The following STXBP5 variants were observed in gnomAD, a reference collection of about 807,000 sequenced individuals.
The protein encoded by STXBP5 is syntaxin binding protein 5.
STXBP5 carries 50 observed loss-of-function variants against 152.4 expected under a neutral mutation model. That is an observed-to-expected ratio of 0.33 (90% CI 0.26 to 0.42). The LOEUF is 0.42. Among genes scored for constraint, STXBP5 ranks in the 10% least tolerant of loss-of-function variants. The pLI, the probability that STXBP5 is intolerant of heterozygous loss-of-function variation, is 1.00. For missense variants in STXBP5, 1,167 were observed against 1,388.6 expected (o/e 0.84, Z 2.54); for synonymous variants, 492 against 494.7 (o/e 0.99, Z 0.07).
chr6:147,382,283 C>T (rs965031654), intron 26 of STXBP5, among the ~76,000 whole-genome samples: 3 of 151,894 alleles, frequency 2.0e-5, no homozygotes, highest in South Asian at 2.1e-4. Flanking sequence ...TTTTGGAGAC[C>T]GAAATAGACT....
chr6:147,277,059 A>G (rs1267671533), intron 7 of STXBP5, among the ~76,000 whole-genome samples: 2 of 152,112 alleles, frequency 1.3e-5, no homozygotes, highest in Non-Finnish European at 2.9e-5. Context: ...GTATGACTTC[A>G]TCGTAAATTG....
Position 147,387,398 on chromosome 6 carries a change from A to G in STXBP5, c.*2643A>G, listed in dbSNP as rs1167651256. On this transcript the variant is annotated 3_prime_UTR_variant, in exon 28 of 28. Coordinates refer to ENST00000321680, the MANE Select transcript of STXBP5 (RefSeq NM_001127715.4). ...TCCATATCCTCATTGTTTTTGTTGC[A>G]TTTGTCCTTGACTCTAAAATCACTG... 2 of 151,634 alleles carry G rather than the reference A, an allele frequency of 1.3e-5. No individual in the cohort carries two copies. Among genetic ancestry groups the G allele is most frequent in the African/African-American group, 4.8e-5 (2 of 41,368 alleles). The allele number at this position is 151,634 out of a possible 1,614,324, so 9.4% of individuals were successfully genotyped here.
chr6:147,209,689 GAATT>G (rs780423239), intron 2 of STXBP5, among the ~76,000 whole-genome samples: 4 of 152,078 alleles, frequency 2.6e-5, no homozygotes, highest in African/African-American at 7.2e-5. Flanking sequence ...TGAAATTTGA[GAATT>G]ATTTGGGGCT....
intron 6 of STXBP5, among the ~76,000 whole-genome samples, chr6:147,264,239 A>G (rs746315787): frequency 1.7e-4 from 26 of 152,056 alleles, no homozygotes; most frequent in Admixed American, 5.9e-4. Context: ...TGCTAACCTT[A>G]CCGGTGGATA....
intron 4 of STXBP5, among the ~76,000 whole-genome samples, chr6:147,239,668 C>T (rs2115204115): frequency 6.6e-6 from 1 of 152,252 alleles, no homozygotes; most frequent in East Asian, 1.9e-4. Flanking sequence ...ACATAATATT[C>T]TGTTCTATAT....
chr6:147,278,321 GT>G, intron 8 of STXBP5, 117 bp downstream of exon 8: 1 of 1,015,898 alleles, frequency 9.8e-7, no homozygotes, highest in Non-Finnish European at 1.3e-6. Context: ...GTTTCCTTCT[GT>G]TTTTAGGGAA....
rs1245237951 is a variant in STXBP5 at position 147,204,506 on chromosome 6, G to T, written c.-27G>T. On this transcript the variant is annotated 5_prime_UTR_variant, in exon 1 of 28. Coordinates refer to ENST00000321680, the MANE Select transcript of STXBP5 (RefSeq NM_001127715.4). The surrounding 1 kb of genome is among the most constrained non-coding windows in gnomAD (Gnocchi z 4.3). ...GGGGACCCCCTGTGCCTCCCCTCCC[G>T]GGCTGCGGGGGAGCCCCTCCGAGAC... The T allele has an allele frequency of 1.2e-6, 2 of 1,607,988 alleles. No homozygotes were observed. The highest frequency in any genetic ancestry group is 2.2e-5 in the South Asian group (2 of 90,702).
rs981426036 is a variant in STXBP5 at position 147,315,253 on chromosome 6, AT to A, written c.1403-260del. On this transcript the variant is annotated intron_variant, in intron 14 of 27. Coordinates refer to ENST00000321680, the MANE Select transcript of STXBP5 (RefSeq NM_001127715.4). ...CACATTATTTTTCCAAAATGTTTTT[AT>A]TACTCATTTTTTTAAGATTACCTAA... Among the ~76,000 whole-genome samples, 5 of 152,124 alleles carry A rather than the reference AT, an allele frequency of 3.3e-5. No homozygotes were observed. The East Asian group carries it at 7.7e-4, about 24-fold the overall frequency.
At chr6:147,301,027 T>C (rs948855116) in intron 9 of STXBP5, among the ~76,000 whole-genome samples, 2 of 150,602 alleles carry the variant, frequency 1.3e-5, no homozygotes, top group African/African-American at 4.9e-5. Flanking sequence ...GAAATACAAA[T>C]GACCAATCAG....
At chr6:147,338,742 T>TTAAACTATATATATAGTTA (rs1435840473) in intron 19 of STXBP5, among the ~76,000 whole-genome samples, 1 of 151,894 alleles carries the variant, frequency 6.6e-6, no homozygotes, top group Non-Finnish European at 1.5e-5. Context: ...ATATATAGTT[T>TTAAACTATATATATAGTTA]TAAACTGTCA....
intron 7 of STXBP5, among the ~76,000 whole-genome samples, chr6:147,274,694 G>A (rs1001397649): frequency 6.6e-6 from 1 of 151,826 alleles, no homozygotes; most frequent in Admixed American, 6.6e-5. Flanking sequence ...ATTTGCAAAT[G>A]TTGTAATTTT....
chr6:147,375,055 A>G (rs1442163061), intron 26 of STXBP5, among the ~76,000 whole-genome samples: 2 of 152,210 alleles, frequency 1.3e-5, no homozygotes, highest in African/African-American at 4.8e-5. Context: ...CAGAAAGAAT[A>G]TAGTGCATTC....
intron 14 of STXBP5, among the ~76,000 whole-genome samples, chr6:147,315,150 CTG>C (rs1430786301): frequency 1.3e-5 from 2 of 152,090 alleles, no homozygotes; most frequent in African/African-American, 4.8e-5. Flanking sequence ...TATATTGGTA[CTG>C]TATCTTTTCT....
Position 147,235,321 on chromosome 6 carries a change from T to G in STXBP5, c.320T>G (p.Leu107Arg). The change falls in exon 3 of 28, where the codon CTG (leucine) becomes CGG (arginine). Residue 107 changes from leucine (L) to arginine (R), a missense_variant. Around this residue, in one of 3 missense-constraint regions of STXBP5, gnomAD observed 310 missense variants for 346.1 expected, o/e 0.90. Coordinates refer to ENST00000321680, the MANE Select transcript of STXBP5 (RefSeq NM_001127715.4). ...SGAAVIQLQF[L>R]INEGALVSAL... is the part of the protein sequence containing the mutation. ...GCTGCAGTAATCCAGCTCCAGTTCCTGATTAATGAGGTTAGTGAATTGTTT... is the reference window on the plus strand; with the variant it reads ...GCTGCAGTAATCCAGCTCCAGTTCCGGATTAATGAGGTTAGTGAATTGTTT... 1 of 1,612,658 alleles carries G rather than the reference T, an allele frequency of 6.2e-7. No individual in the cohort carries two copies. The highest frequency in any genetic ancestry group is 8.5e-7 in the Non-Finnish European group (1 of 1,179,064).
chr6:147,318,611 A>C lies in STXBP5; in HGVS notation c.1802+2204A>C, dbSNP rs536348185. Among the ~76,000 whole-genome samples the C allele has an allele frequency of 2.1e-3, 313 of 152,278 alleles. 3 individuals are homozygous for C. Among genetic ancestry groups the C allele is most frequent in the African/African-American group, 7.4e-3 (309 of 41,558 alleles). The stretch of plus-strand genomic sequence containing the variant: ...CACTATTAATCTTTTGTAATTATTT[A>C]ATGGAATGTCACTTAATATAAGAAT... On this transcript the variant is annotated intron_variant, in intron 16 of 27. Coordinates refer to ENST00000321680, the MANE Select transcript of STXBP5 (RefSeq NM_001127715.4).
chr6:147,374,189 A>G (rs1036831559), intron 26 of STXBP5, among the ~76,000 whole-genome samples: 6 of 152,190 alleles, frequency 3.9e-5, no homozygotes, highest in African/African-American at 1.2e-4. Context: ...TTAACATTTA[A>G]TCTGTCTTTC....
chr6:147,381,958 G>C (rs1319732865), intron 26 of STXBP5, among the ~76,000 whole-genome samples: 1 of 152,126 alleles, frequency 6.6e-6, no homozygotes, highest in Non-Finnish European at 1.5e-5. Flanking sequence ...ATTAGTAGTG[G>C]TGGTGATTCA....
intron 21 of STXBP5, among the ~76,000 whole-genome samples, chr6:147,343,348 C>G (rs558473193): frequency 9.2e-5 from 14 of 152,224 alleles, no homozygotes; most frequent in Non-Finnish European, 1.9e-4. Flanking sequence ...TATTAGTTCT[C>G]TTACACATGA....
rs372867282 is a variant in STXBP5, at chr6:147,217,998, TATC to T, written c.248+11933_248+11935del. On this transcript the variant is annotated intron_variant, in intron 2 of 27. Transcript: ENST00000321680. ...AGTAAAAATTAATTTTGCCTACTCTTATCATGATGATGTGGCTATCTTCATTTT... is the reference window on the plus strand; with the variant it reads ...AGTAAAAATTAATTTTGCCTACTCTTATGATGATGTGGCTATCTTCATTTT... 9.5e-4 allele frequency among the ~76,000 whole-genome samples: 144 copies of T among 152,330 alleles called. 4 individuals carry two copies. The East Asian group carries it at 0.02, about 22-fold the overall frequency.
Sources: allele counts gnomAD v4.1 joint callset (sites outside exome capture counted in the v4.1 genomes callset), GRCh38; gene constraint gnomAD v4.1.1; regional missense constraint gnomAD v4.1.1; non-coding constraint Gnocchi (gnomAD v3.1); transcripts MANE v1.5; gene names NCBI Gene and HGNC (gene_info 2026-07-23, HGNC 2026-07-21).